The following YJU2 variants were observed in gnomAD, a reference collection of about 807,000 sequenced individuals.
The protein encoded by YJU2 is YJU2 splicing factor homolog.
In YJU2, 28 loss-of-function variants were observed where a neutral mutation model predicts 39.6. The ratio of observed to expected loss-of-function variants is 0.71; its 90% CI spans 0.52 to 0.97. YJU2 has a LOEUF of 0.97. YJU2 is among the 50% of genes least tolerant of loss of function. The probability of loss-of-function intolerance (pLI) is 0.00; values close to 1 mark genes in which losing one functional copy is unlikely to be tolerated. For synonymous variants in YJU2, 184 were observed against 182.4 expected (o/e 1.01, Z -0.07); for missense variants, 328 against 430.4 (o/e 0.76, Z 2.11).
intron 6 of YJU2, among the ~76,000 whole-genome samples, chr19:4,262,833 A>G (rs1971083036): frequency 6.6e-6 from 1 of 152,108 alleles, no homozygotes; most frequent in African/African-American, 2.4e-5. Context: ...GCTTGAGCCC[A>G]GAAGGTCAAG....
At position 4,251,847 on chromosome 19, in the gene YJU2, C is replaced by T. The variant is rs190673272; in HGVS notation, c.270+676C>T. On this transcript the variant is annotated intron_variant, in intron 3 of 7. Coordinates refer to ENST00000262962, the MANE Select transcript of YJU2 (RefSeq NM_018074.6). Reference sequence around the variant, plus strand: ...ACTAAAAATACAAAAGTGAGCCAGGCGTGGTGGCTCATGCCTGTAATCTCA... The same window carrying T: ...ACTAAAAATACAAAAGTGAGCCAGGTGTGGTGGCTCATGCCTGTAATCTCA... Among the ~76,000 whole-genome samples, 25 of 151,716 alleles carry T rather than the reference C, an allele frequency of 1.6e-4. No individual in the cohort carries two copies. The East Asian group carries it at 2.6e-3, about 15-fold the overall frequency.
chr19:4,253,582 A>C (rs527817031), intron 3 of YJU2, among the ~76,000 whole-genome samples: 18 of 152,228 alleles, frequency 1.2e-4, no homozygotes, highest in South Asian at 1.0e-3. Flanking sequence ...CCCTGTCCCC[A>C]AAAAAATAAA....
At chr19:4,264,275 A>AG (rs1268907293) in intron 6 of YJU2, among the ~76,000 whole-genome samples, 1 of 149,652 alleles carries the variant, frequency 6.7e-6, no homozygotes, top group Non-Finnish European at 1.5e-5. Context: ...AAAAAAAAAA[A>AG]AAAAAAAAAA....
Position 4,258,390 on chromosome 19 carries a change from G to GGCA in YJU2, c.562_564dup (p.Gln188dup), listed in dbSNP as rs1971040745. ...CGCCTGTCGGAGGAGGAGCGGCGGA[G>GGCA]GCAGCAGCAGGAGGAGGACGAGCAG... On this transcript the variant is annotated inframe_insertion, in exon 5 of 8. Coordinates refer to ENST00000262962, the MANE Select transcript of YJU2 (RefSeq NM_018074.6). The GGCA allele has an allele frequency of 4.4e-6, 7 of 1,596,682 alleles. No homozygotes were observed. Among genetic ancestry groups the GGCA allele is most frequent in the Non-Finnish European group, 6.0e-6 (7 of 1,173,760 alleles).
intron 6 of YJU2, among the ~76,000 whole-genome samples, chr19:4,264,043 A>G (rs1392964797): frequency 6.6e-6 from 1 of 151,682 alleles, no homozygotes; most frequent in African/African-American, 2.4e-5. Context: ...CGGGTGGATC[A>G]CGAGGTCAGG....
rs1971127822 is a variant in YJU2, at chr19:4,267,742, G to A, written c.827G>A (p.Ser276Asn). 6.2e-7 allele frequency: 1 copy of A among 1,612,804 alleles called. No homozygotes were observed. The highest frequency in any genetic ancestry group is 1.7e-4 in the Middle Eastern group (1 of 6,050). ...AAGGCAAAGGCCGACCCGGACTGCA[G>A]CAACGGGCAGCCTCAGGCGGCCCCC... ...VKKAKADPDC[S>N]NGQPQAAPTP... Residue 276 changes from serine to asparagine, a missense_variant, in exon 7 of 8, where the codon AGC becomes AAC. By Grantham distance (46) the Ser-to-Asn change is conservative (BLOSUM62 1). Coordinates refer to ENST00000262962, the MANE Select transcript of YJU2 (RefSeq NM_018074.6).
chr19:4,248,813 A>G (rs1970952069), intron 1 of YJU2, among the ~76,000 whole-genome samples: 1 of 152,032 alleles, frequency 6.6e-6, no homozygotes, highest in South Asian at 2.1e-4. Flanking sequence ...CAGCTACTGT[A>G]GAGGCTGAGG....
At chr19:4,257,983 C>T (rs913844945) in intron 4 of YJU2, among the ~76,000 whole-genome samples, 1 of 152,240 alleles carries the variant, frequency 6.6e-6, no homozygotes, top group Non-Finnish European at 1.5e-5. Context: ...CAGCCTCTTT[C>T]CACCCCACCC....
intron 6 of YJU2, among the ~76,000 whole-genome samples, chr19:4,264,261 C>CAAAAAAAA (rs748910280): frequency 6.8e-5 from 3 of 43,944 alleles, no homozygotes; most frequent in African/African-American, 1.5e-4. Flanking sequence ...GACTCTGTCT[C>CAAAAAAAA]AAAAAAAAAA....
intron 1 of YJU2, chr19:4,247,379 G>A: frequency 1.9e-6 from 1 of 533,374 alleles, no homozygotes; most frequent in Non-Finnish European, 3.3e-6. Context: ...TCTGGGCTGG[G>A]GTGTAGTTAG....
At chr19:4,264,427 T>A (rs992048667) in intron 6 of YJU2, among the ~76,000 whole-genome samples, 12 of 148,882 alleles carry the variant, frequency 8.1e-5, no homozygotes, top group Non-Finnish European at 1.8e-4. Context: ...CCCACCTCAG[T>A]CTCCTGAGCA....
At chr19:4,254,124 G>A (rs943610796) in intron 3 of YJU2, among the ~76,000 whole-genome samples, 1 of 152,172 alleles carries the variant, frequency 6.6e-6, no homozygotes, top group Non-Finnish European at 1.5e-5. Context: ...GAGGCAGTGG[G>A]CAGATGAGAA....
intron 6 of YJU2, among the ~76,000 whole-genome samples, chr19:4,263,014 C>T (rs1971084679): frequency 1.4e-5 from 2 of 147,330 alleles, no homozygotes; most frequent in African/African-American, 2.5e-5. Context: ...GCGGAGGTTG[C>T]AGCGAGCCGA....
chr19:4,247,627 GTGTGTGTGTGTGTGTGTGTGT>G lies in YJU2; in HGVS notation c.24+458_24+478del, dbSNP rs1970937762. On this transcript the variant is annotated intron_variant, in intron 1 of 7. Coordinates refer to ENST00000262962, the MANE Select transcript of YJU2 (RefSeq NM_018074.6). ...TGTGTGTGTGTGTGTGTGTGTGTGT[GTGTGTGTGTGTGTGTGTGTGT>G]GTGTGTGTGTGTGTGTGTGTGTGTG... Among the ~76,000 whole-genome samples the G allele has an allele frequency of 5.7e-4, 28 of 49,052 alleles. 7 individuals carry two copies. The highest frequency in any genetic ancestry group is 2.8e-3 in the African/African-American group (24 of 8,630). 32.2% of individuals were successfully genotyped at this position (49,052 alleles called of 152,430 possible). A position where few individuals can be genotyped will look rare whatever the true frequency, so the allele number is the denominator to read the frequency against.
intron 1 of YJU2, chr19:4,248,398 G>A (rs1223716955): frequency 6.6e-6 from 1 of 152,248 alleles, no homozygotes; most frequent in Non-Finnish European, 1.5e-5. Flanking sequence ...CTTGGAGACA[G>A]AGGACAGTGT....
chr19:4,261,966 G>T (rs377372481), intron 5 of YJU2, 28 bp from the exon 6 acceptor site: 9 of 1,609,556 alleles, frequency 5.6e-6, no homozygotes, highest in East Asian at 2.2e-5. Flanking sequence ...AACAGAGCAC[G>T]TCCAAGTTCC....
intron 6 of YJU2, 144 bp from the exon 7 acceptor site, chr19:4,267,480 T>G: frequency 6.2e-6 from 5 of 812,580 alleles, no homozygotes; most frequent in Non-Finnish European, 9.7e-6. Context: ...TGGGGAGCCA[T>G]AGAGGAGTTT....
Position 4,268,804 on chromosome 19 carries a change from C to G in YJU2, c.*108C>G. 1.3e-6 allele frequency: 1 copy of G among 787,050 alleles called. No individual in the cohort carries two copies. The highest frequency in any genetic ancestry group is 2.1e-6 in the Non-Finnish European group (1 of 477,460). 48.8% of individuals were successfully genotyped at this position (787,050 alleles called of 1,614,324 possible). ...CAGGAGGCCTTGGCGTGACTGGAGGCCGGACAGACAAGCGCCAGCGTGCTC... is the reference window on the plus strand; with the variant it reads ...CAGGAGGCCTTGGCGTGACTGGAGGGCGGACAGACAAGCGCCAGCGTGCTC... On this transcript the variant is annotated 3_prime_UTR_variant, in exon 8 of 8. Transcript: ENST00000262962.
chr19:4,262,934 T>G (rs1056060082), intron 6 of YJU2, among the ~76,000 whole-genome samples: 1 of 151,566 alleles, frequency 6.6e-6, no homozygotes, highest in African/African-American at 2.4e-5. Context: ...TAAGGCTGAG[T>G]GCAGTGGCTC....
Sources: gnomAD v4.1 joint callset for allele counts (sites outside exome capture counted in the v4.1 genomes callset) on GRCh38, gnomAD v4.1.1 for gene constraint, MANE v1.5 for transcripts, NCBI Gene and HGNC (gene_info 2026-07-23, HGNC 2026-07-21) for gene names.